Variants in DENND1A observed in about 807,000 individuals in gnomAD.
DENND1A encodes the protein DENN domain containing 1A, also known as DENN domain-containing protein 1A.
A neutral mutation model predicts 113.7 loss-of-function variants in DENND1A; 51 were observed. That is an observed-to-expected ratio of 0.45 (90% CI 0.36 to 0.57). The LOEUF (loss-of-function observed/expected upper bound fraction) is 0.57, where lower values mean the gene tolerates loss of function less well. DENND1A is among the 20% of genes least tolerant of loss of function. The probability of loss-of-function intolerance (pLI) is 0.00; values close to 1 mark genes in which losing one functional copy is unlikely to be tolerated. For missense variants in DENND1A, 1,258 were observed against 1,395.9 expected, an observed-to-expected ratio of 0.90 and a Z score of 1.57; for synonymous variants, 565 against 570.8, an observed-to-expected ratio of 0.99 and a Z score of 0.14.
At chr9:123,736,225 T>C (rs1306774663) in intron 5 of DENND1A, among the ~76,000 whole-genome samples, 1 of 152,210 alleles carries the variant, frequency 6.6e-6, no homozygotes, top group Non-Finnish European at 1.5e-5. Context: ...GTAAGAGCTA[T>C]GTTGTAAGCT....
At chr9:123,553,230 C>T (rs1271023057) in intron 13 of DENND1A, among the ~76,000 whole-genome samples, 2 of 152,098 alleles carry the variant, frequency 1.3e-5, no homozygotes, top group Non-Finnish European at 2.9e-5. Flanking sequence ...CCAGCCTAGG[C>T]AATAGAGCGA....
intron 3 of DENND1A, among the ~76,000 whole-genome samples, chr9:123,787,330 T>C (rs2131958927): frequency 6.6e-6 from 1 of 152,288 alleles, no homozygotes; most frequent in East Asian, 1.9e-4. Context: ...TTTCAATGAA[T>C]CAGGGCATGA....
intron 2 of DENND1A, among the ~76,000 whole-genome samples, chr9:123,856,813 G>A (rs1484415071): frequency 6.6e-6 from 1 of 152,110 alleles, no homozygotes; most frequent in East Asian, 1.9e-4. Context: ...CACTGGGTAG[G>A]CATTGGTGGC....
chr9:123,911,848 G>T (rs1854038521), intron 1 of DENND1A, among the ~76,000 whole-genome samples: 1 of 152,008 alleles, frequency 6.6e-6, no homozygotes, highest in Admixed American at 6.6e-5. Context: ...CCGCCACCAT[G>T]CCCGGCTAAT....
intron 13 of DENND1A, among the ~76,000 whole-genome samples, chr9:123,529,571 G>A (rs1589000303): frequency 6.6e-6 from 1 of 151,616 alleles, no homozygotes; most frequent in Non-Finnish European, 1.5e-5. Context: ...ACAGCCAAAA[G>A]AACGTGAAAG....
At chr9:123,450,125 G>A (rs1001188770) in intron 18 of DENND1A, among the ~76,000 whole-genome samples, 2 of 150,924 alleles carry the variant, frequency 1.3e-5, no homozygotes, top group African/African-American at 4.9e-5. Context: ...TTTTACTGAC[G>A]GCTGGTGAAG....
Position 123,426,421 on chromosome 9 carries a change from G to C in DENND1A, c.1488+13939C>G, listed in dbSNP as rs117816271. Among the ~76,000 whole-genome samples, 801 of 152,332 alleles carry C rather than the reference G, an allele frequency of 5.3e-3. 5 individuals are homozygous for C. Among genetic ancestry groups the C allele is most frequent in the Middle Eastern group, 0.014 (4 of 294 alleles). ...TGGGAAGTCTGACTAAGACATTCTA[G>C]TAGCTGAAGCTTGTGAAACAGGAAT... On this transcript the variant is annotated intron_variant, in intron 19 of 23. Transcript: ENST00000394215.
At chr9:123,753,041 T>C (rs954953406) in intron 5 of DENND1A, among the ~76,000 whole-genome samples, 1 of 152,206 alleles carries the variant, frequency 6.6e-6, no homozygotes, top group Non-Finnish European at 1.5e-5. Context: ...TTTGTGTTAA[T>C]AGGACTTGTT....
rs1446250728 is a variant in DENND1A at position 123,625,120 on chromosome 9, G to A, written c.719+5256C>T. ...TACATATATACATCCGATTTTTTGT[G>A]TATTATGTGTCCATATAATTCTCTT... On this transcript the variant is annotated intron_variant, in intron 10 of 23. Transcript: ENST00000394215. Among the ~76,000 whole-genome samples, 3 of 152,092 alleles carry A rather than the reference G, an allele frequency of 2.0e-5. No homozygotes were observed. The East Asian group carries it at 5.8e-4, about 29-fold the overall frequency.
rs1829388823 is a variant in DENND1A at position 123,769,575 on chromosome 9, A to G, written c.133-12T>C. ...GTCTGTAGAACTTCCTGTGGAGAGAAAGAGAGATAATTTATACATCTAATG... is the reference window on the plus strand; with the variant it reads ...GTCTGTAGAACTTCCTGTGGAGAGAGAGAGAGATAATTTATACATCTAATG... On this transcript the variant is annotated splice_polypyrimidine_tract_variant and intron_variant, in intron 3 of 23. Coordinates refer to ENST00000394215, the MANE Select transcript of DENND1A (RefSeq NM_001352964.2). 5.6e-6 allele frequency: 9 copies of G among 1,605,640 alleles called. No individual in the cohort carries two copies. The highest frequency in any genetic ancestry group is 7.6e-6 in the Non-Finnish European group (9 of 1,176,746).
At chr9:123,624,907 T>C (rs961225964) in intron 10 of DENND1A, among the ~76,000 whole-genome samples, 2 of 152,188 alleles carry the variant, frequency 1.3e-5, no homozygotes, top group East Asian at 3.8e-4. Flanking sequence ...GAAGAACAAT[T>C]GGCTAGAAAA....
intron 12 of DENND1A, among the ~76,000 whole-genome samples, chr9:123,562,743 C>T (rs1294812930): frequency 6.6e-6 from 1 of 151,956 alleles, no homozygotes; most frequent in Non-Finnish European, 1.5e-5. Context: ...TACCCATTGC[C>T]TTGGGTTAAG....
intron 3 of DENND1A, among the ~76,000 whole-genome samples, chr9:123,789,093 GGCAACGCAT>G (rs897604540): frequency 2.3e-4 from 35 of 149,462 alleles, no homozygotes; most frequent in African/African-American, 8.4e-4. Context: ...AAAAAATATA[GGCAACGCAT>G]GACTTTCAGG....
chr9:123,783,446 C>T (rs1318665379), intron 3 of DENND1A, among the ~76,000 whole-genome samples: 1 of 152,160 alleles, frequency 6.6e-6, no homozygotes, highest in Non-Finnish European at 1.5e-5. Context: ...GCACCAAAAC[C>T]AGGTTACTTT....
intron 13 of DENND1A, among the ~76,000 whole-genome samples, chr9:123,471,131 C>G (rs757067698): frequency 6.6e-6 from 1 of 152,150 alleles, no homozygotes; most frequent in Non-Finnish European, 1.5e-5. Context: ...CTTTTCTTTA[C>G]GAGGTCTGCC....
intron 10 of DENND1A, among the ~76,000 whole-genome samples, chr9:123,623,156 A>C (rs2061036826): frequency 6.6e-6 from 1 of 152,258 alleles, no homozygotes; most frequent in Non-Finnish European, 1.5e-5. Context: ...AAAAATCAAA[A>C]TAAAAACAAT....
rs541775153 is a variant in DENND1A at position 123,583,087 on chromosome 9, C to G, written c.867+82G>C. 5.7e-4 allele frequency: 600 copies of G among 1,044,108 alleles called. 2 individuals carry two copies. The highest frequency in any genetic ancestry group is 1.2e-3 in the Middle Eastern group (4 of 3,328). The allele number at this position is 1,044,108 out of a possible 1,614,324, so 64.7% of individuals were successfully genotyped here. A position where few individuals can be genotyped will look rare whatever the true frequency, so the allele number is the denominator to read the frequency against. On this transcript the variant is annotated intron_variant, in intron 12 of 23. Coordinates refer to ENST00000394215, the MANE Select transcript of DENND1A (RefSeq NM_001352964.2). ...CACAGGAAAACCCTCGCTATTTCCCCTCCTTCCCCATTCCCCAAAGTCACG... is the reference window on the plus strand; with the variant it reads ...CACAGGAAAACCCTCGCTATTTCCCGTCCTTCCCCATTCCCCAAAGTCACG...
intron 13 of DENND1A, among the ~76,000 whole-genome samples, chr9:123,525,240 G>A (rs2054725544): frequency 6.6e-6 from 1 of 152,174 alleles, no homozygotes; most frequent in Non-Finnish European, 1.5e-5. Context: ...AGGACCCAGG[G>A]AGCAGCCCTC....
At chr9:123,682,598 T>C (rs893834515) in intron 5 of DENND1A, among the ~76,000 whole-genome samples, 1 of 152,112 alleles carries the variant, frequency 6.6e-6, no homozygotes, top group African/African-American at 2.4e-5. Context: ...TCCTCCCCAA[T>C]GTTAAAAAGC....
Sources: allele counts gnomAD v4.1 joint callset (sites outside exome capture counted in the v4.1 genomes callset), GRCh38; gene constraint gnomAD v4.1.1; transcripts MANE v1.5; gene names NCBI Gene and HGNC (gene_info 2026-07-23, HGNC 2026-07-21).